Variants in CSMD1 observed in about 807,000 individuals in gnomAD.
The protein encoded by CSMD1 is CUB and sushi domain-containing protein 1.
Under a neutral mutation model 417.5 loss-of-function variants are expected in CSMD1, and 213 were observed. The ratio of observed to expected loss-of-function variants is 0.51; its 90% confidence interval spans 0.46 to 0.57. CSMD1 has a LOEUF of 0.57. Ranked by LOEUF, CSMD1 falls within the 20% of genes least tolerant of loss-of-function variation. The pLI is 0.00. For missense variants in CSMD1, 6,923 were observed against 4,529.7 expected (o/e 1.53, Z -15.17); for synonymous variants, 2,862 against 1,736.8 (o/e 1.65, Z -16.11).
chr8:3,817,693 C>T (rs1801466159), intron 5 of CSMD1, among the ~76,000 whole-genome samples: 1 of 152,140 alleles, frequency 6.6e-6, no homozygotes, highest in Non-Finnish European at 1.5e-5. Context: ...TTCCACTTCT[C>T]TACTCTCAGA....
chr8:2,946,593 A>G (rs1227773727), intron 68 of CSMD1, among the ~76,000 whole-genome samples: 1 of 152,220 alleles, frequency 6.6e-6, no homozygotes, highest in Admixed American at 6.5e-5. Flanking sequence ...AGTGCTGACT[A>G]ATATTCCATT....
intron 3 of CSMD1, among the ~76,000 whole-genome samples, chr8:4,162,538 TTTTAA>T (rs1285974536): frequency 2.0e-5 from 3 of 152,174 alleles, no homozygotes; most frequent in South Asian, 2.1e-4. Flanking sequence ...ATTTTGATAT[TTTTAA>T]TTTATTTTAC....
chr8:4,154,829 A>G (rs1195339153), intron 3 of CSMD1, among the ~76,000 whole-genome samples: 1 of 152,090 alleles, frequency 6.6e-6, no homozygotes, highest in Non-Finnish European at 1.5e-5. Context: ...GCACGATTAT[A>G]AATTAGTGAA....
Position 3,399,545 on chromosome 8 carries a change from G to A in CSMD1, c.2267-16C>T, listed in dbSNP as rs776164133. On this transcript the variant is annotated splice_polypyrimidine_tract_variant and intron_variant, in intron 15 of 69. Transcript: ENST00000635120. ...CCACATGGAGCTAAAACAAGACGTAGAATATCTATTAGATCCAATGAGACA... is the reference window on the plus strand; with the variant it reads ...CCACATGGAGCTAAAACAAGACGTAAAATATCTATTAGATCCAATGAGACA... The A allele has an allele frequency of 1.3e-6, 2 of 1,566,798 alleles. No homozygotes were observed. Among genetic ancestry groups the A allele is most frequent in the Non-Finnish European group, 1.7e-6 (2 of 1,158,946 alleles).
chr8:3,310,093 T>A lies in CSMD1; in HGVS notation c.3632-1590A>T, dbSNP rs189324527. Among the ~76,000 whole-genome samples the A allele has an allele frequency of 2.0e-3, 309 of 152,310 alleles. 1 individual carries two copies. Among genetic ancestry groups the A allele is most frequent in the Middle Eastern group, 6.8e-3 (2 of 294 alleles). ...GTGCAAAACAAAGGGATATGCTAAA[T>A]GTCCACAAAGGGGAGGTAGAAATTA... On this transcript the variant is annotated intron_variant, in intron 23 of 69. Coordinates refer to ENST00000635120, the MANE Select transcript of CSMD1 (RefSeq NM_033225.6).
chr8:4,965,026 C>T (rs983486885), intron 1 of CSMD1, among the ~76,000 whole-genome samples: 34 of 152,232 alleles, frequency 2.2e-4, no homozygotes, highest in East Asian at 1.9e-4. Flanking sequence ...ACAATATGCA[C>T]GTTGCTTTAC....
chr8:2,966,225 G>A (rs1408108682), intron 58 of CSMD1, among the ~76,000 whole-genome samples: 2 of 152,120 alleles, frequency 1.3e-5, no homozygotes. Flanking sequence ...ATTAGGCATG[G>A]GGTATAATCA....
chr8:4,924,109 T>G (rs1806691573), intron 1 of CSMD1, among the ~76,000 whole-genome samples: 2 of 152,148 alleles, frequency 1.3e-5, no homozygotes, highest in Admixed American at 6.5e-5. Context: ...ATTCTGACAA[T>G]GTAAATCAAG....
intron 54 of CSMD1, among the ~76,000 whole-genome samples, chr8:2,994,550 C>T (rs1050351390): frequency 5.3e-5 from 8 of 152,192 alleles, no homozygotes; most frequent in African/African-American, 1.2e-4. Flanking sequence ...CAGAGGAAAA[C>T]GGATGCTTTT....
intron 1 of CSMD1, among the ~76,000 whole-genome samples, chr8:4,738,903 T>TAGTGTGTGTGTG (rs140973405): frequency 1.8e-4 from 26 of 147,492 alleles, no homozygotes; most frequent in African/African-American, 6.7e-4. Context: ...TTCTGTGTGT[T>TAGTGTGTGTGTG]TGTGTGTGTG....
chr8:4,698,259 G>A (rs138630032), intron 1 of CSMD1, among the ~76,000 whole-genome samples: 16 of 151,564 alleles, frequency 1.1e-4, no homozygotes, highest in African/African-American at 3.9e-4. Flanking sequence ...TAGTCAACAT[G>A]AAGAGCTGTG....
intron 3 of CSMD1, among the ~76,000 whole-genome samples, chr8:4,354,770 C>T (rs1801300062): frequency 6.6e-6 from 1 of 151,754 alleles, no homozygotes; most frequent in Non-Finnish European, 1.5e-5. Flanking sequence ...TAGATTTCCC[C>T]CCTCCCAGAA....
intron 2 of CSMD1, among the ~76,000 whole-genome samples, chr8:4,557,478 T>C (rs1446519076): frequency 1.3e-5 from 2 of 152,068 alleles, no homozygotes; most frequent in African/African-American, 4.8e-5. Context: ...AGCACATTGA[T>C]TCTATCATTT....
chr8:3,651,439 G>A (rs1797853490), intron 7 of CSMD1, among the ~76,000 whole-genome samples: 1 of 152,028 alleles, frequency 6.6e-6, no homozygotes, highest in South Asian at 2.1e-4. Flanking sequence ...AGCACGTAAT[G>A]CCTCAGGGTC....
chr8:3,668,010 C>G (rs1019467356), intron 7 of CSMD1, among the ~76,000 whole-genome samples: 2 of 152,166 alleles, frequency 1.3e-5, no homozygotes, highest in Non-Finnish European at 2.9e-5. Context: ...CTGTGCGCCT[C>G]AGAGCAAGCT....
intron 27 of CSMD1, among the ~76,000 whole-genome samples, chr8:3,226,257 A>C (rs1416989424): frequency 1.3e-5 from 2 of 152,142 alleles, no homozygotes; most frequent in Non-Finnish European, 2.9e-5. Flanking sequence ...ATATAAGATA[A>C]TGAAGACTTT....
Position 3,096,139 on chromosome 8 carries a change from T to C in CSMD1, c.7138+710A>G, listed in dbSNP as rs117272947. 5.0e-3 allele frequency among the ~76,000 whole-genome samples: 761 copies of C among 152,336 alleles called. 3 individuals carry two copies. The highest frequency in any genetic ancestry group is 0.011 in the Admixed American group (167 of 15,294). The stretch of plus-strand genomic sequence containing the variant: ...AGAAAGAGTTATTGAGATCATCTTC[T>C]CTAAATCACTGTGTTAAAAAAATCA... On this transcript the variant is annotated intron_variant, in intron 47 of 69. Coordinates refer to ENST00000635120, the MANE Select transcript of CSMD1 (RefSeq NM_033225.6).
intron 3 of CSMD1, among the ~76,000 whole-genome samples, chr8:4,338,780 C>A (rs931190649): frequency 1.9e-4 from 29 of 152,002 alleles, no homozygotes; most frequent in Non-Finnish European, 3.5e-4. Context: ...CCAAATGAAT[C>A]ATATTGATAT....
intron 3 of CSMD1, among the ~76,000 whole-genome samples, chr8:4,249,032 A>G (rs1296570344): frequency 2.0e-5 from 3 of 152,220 alleles, no homozygotes; most frequent in Non-Finnish European, 2.9e-5. Flanking sequence ...AGTGCCTGGC[A>G]TATGCTACTC....
Sources: allele counts gnomAD v4.1 joint callset (sites outside exome capture counted in the v4.1 genomes callset), GRCh38; gene constraint gnomAD v4.1.1; transcripts MANE v1.5; gene names NCBI Gene and HGNC (gene_info 2026-07-23, HGNC 2026-07-21).